Variants in PNLDC1 observed in about 807,000 individuals in gnomAD.
The protein encoded by PNLDC1 is poly(A)-specific ribonuclease PNLDC1.
A neutral mutation model predicts 82.0 loss-of-function variants in PNLDC1; 70 were observed. The observed-to-expected ratio is 0.85, with a 90% CI of 0.70 to 1.04. The LOEUF (loss-of-function observed/expected upper bound fraction) is 1.04. Ranked by LOEUF, PNLDC1 falls within the 50% of genes least tolerant of loss-of-function variation. The pLI is 0.00. For synonymous variants in PNLDC1, 280 were observed against 249.3 expected, an observed-to-expected ratio of 1.12 and a Z score of -1.16; for missense variants, 631 against 661.1, an observed-to-expected ratio of 0.95 and a Z score of 0.50.
intron 3 of PNLDC1, among the ~76,000 whole-genome samples, chr6:159,802,537 A>C (rs763686115): frequency 6.6e-6 from 1 of 151,990 alleles, no homozygotes; most frequent in East Asian, 1.9e-4. Context: ...CTCTTTGAGA[A>C]GTATAGGAAA....
At chr6:159,801,016 A>T in intron 2 of PNLDC1, 97 bp from the exon 3 acceptor site, 2 of 1,497,756 alleles carry the variant, frequency 1.3e-6, no homozygotes, top group Non-Finnish European at 1.9e-6. Context: ...ACAAGGAAAA[A>T]ATCCTCCCCG....
chr6:159,811,454 G>A (rs1351364081), intron 10 of PNLDC1, among the ~76,000 whole-genome samples: 7 of 152,102 alleles, frequency 4.6e-5, no homozygotes, highest in African/African-American at 1.2e-4. Context: ...CATTAACTAC[G>A]GTTGGCAATA....
chr6:159,811,866 T>G (rs569201891), intron 11 of PNLDC1, 80 bp downstream of exon 11: 2 of 1,132,750 alleles, frequency 1.8e-6, no homozygotes, highest in Non-Finnish European at 2.6e-6. Flanking sequence ...GGGGTTTTTT[T>G]CTTGTGTTTT....
At chr6:159,814,326 T>A (rs2115052177) in intron 12 of PNLDC1, among the ~76,000 whole-genome samples, 1 of 152,286 alleles carries the variant, frequency 6.6e-6, no homozygotes, top group South Asian at 2.1e-4. Context: ...TTGTGATTCG[T>A]GTTCTCTACC....
chr6:159,819,200 A>G lies in PNLDC1; in HGVS notation c.1434-54A>G. The G allele has an allele frequency of 1.9e-6, 3 of 1,611,364 alleles. No individual in the cohort carries two copies. The East Asian group carries it at 6.7e-5, about 36-fold the overall frequency. ...TCTCTGACTCCACCCGCCTGATCAC[A>G]GCAGGCGGCGCCATCCTGCTGCCTG... On this transcript the variant is annotated intron_variant, in intron 17 of 18. Coordinates refer to ENST00000392167, the MANE Select transcript of PNLDC1 (RefSeq NM_001271862.2). This position sits in a 1 kb window ranked among gnomAD's most constrained non-coding sequence, Gnocchi z 4.6.
rs779313150 is a variant in PNLDC1, at chr6:159,801,207, T to TA, written c.208+22dup. 24 of 1,603,876 alleles carry TA rather than the reference T, an allele frequency of 1.5e-5. No individual in the cohort carries two copies. In the South Asian group the frequency reaches 1.9e-4, roughly 13 times the overall value. On this transcript the variant is annotated intron_variant, in intron 3 of 18. Transcript: ENST00000392167. Reference sequence around the variant, plus strand: ...GATTGGTGAGTTTAATATCAGCTGTTAGAGTTTTTCAAGAAGGTATTTTTA... The same window carrying TA: ...GATTGGTGAGTTTAATATCAGCTGTTAAGAGTTTTTCAAGAAGGTATTTTTA...
rs1229638636 is a variant in PNLDC1, at chr6:159,816,422, G to GA, written c.1061-119dup. 4 of 892,014 alleles carry GA rather than the reference G, an allele frequency of 4.5e-6. No homozygotes were observed. The African/African-American group carries it at 4.9e-5, about 11-fold the overall frequency. 55.3% of individuals were successfully genotyped at this position (892,014 alleles called of 1,614,324 possible). On this transcript the variant is annotated intron_variant, in intron 13 of 18. Transcript: ENST00000392167. ...GGTGAAGTTGGTGTGTGGGCCTGGAGAAGGGTATGCAGGACCATGGGAGGT... is the reference window on the plus strand; with the variant it reads ...GGTGAAGTTGGTGTGTGGGCCTGGAGAAAGGGTATGCAGGACCATGGGAGGT...
At chr6:159,800,737 C>T (rs1366465707) in intron 1 of PNLDC1, 35 bp from the exon 2 acceptor site, 1 of 1,614,236 alleles carries the variant, frequency 6.2e-7, no homozygotes, top group East Asian at 2.2e-5. Flanking sequence ...CGATGTTCTG[C>T]ACCCGAGGAC....
rs1342103864 is a variant in PNLDC1, at chr6:159,810,747, AAATG to A, written c.853+656_853+659del. Reference sequence around the variant, plus strand: ...GTGCCAATATCAGAGTTGTGAGATTAAATGAATTAATAAACGTACAAAGAACACT... The same window carrying A: ...GTGCCAATATCAGAGTTGTGAGATTAAATTAATAAACGTACAAAGAACACT... On this transcript the variant is annotated intron_variant, in intron 10 of 18. Coordinates refer to ENST00000392167, the MANE Select transcript of PNLDC1 (RefSeq NM_001271862.2). Among the ~76,000 whole-genome samples, 18 of 152,362 alleles carry A rather than the reference AAATG, an allele frequency of 1.2e-4. 1 individual carries two copies. In the Middle Eastern group the frequency reaches 0.017, roughly 144 times the overall value.
At position 159,813,585 on chromosome 6, in the gene PNLDC1, T is replaced by C. The variant is rs368827642; in HGVS notation, c.940-16T>C. ...AGCGCAAATGTTTTCCTCTGGTTTG[T>C]TTTCCATGATTGTAGGAGATGAATT... On this transcript the variant is annotated splice_polypyrimidine_tract_variant and intron_variant, in intron 11 of 18. Transcript: ENST00000392167. 55 of 1,605,546 alleles carry C rather than the reference T, an allele frequency of 3.4e-5. No homozygotes were observed. The African/African-American group carries it at 6.0e-4, about 18-fold the overall frequency.
chr6:159,804,263 G>T (rs534618858), intron 5 of PNLDC1, among the ~76,000 whole-genome samples, 175 bp downstream of exon 5: 3 of 152,284 alleles, frequency 2.0e-5, no homozygotes, highest in African/African-American at 7.2e-5. Flanking sequence ...ACCATGCCCA[G>T]CTAATTCTTT....
chr6:159,818,605 C>T lies in PNLDC1; in HGVS notation c.1208C>T (p.Ala403Val). Residue 403 changes from alanine (A) to valine (V), a missense_variant, in exon 16 of 19, where the codon GCT (alanine) becomes GTT (valine). By Grantham distance (64) the Ala-to-Val change is moderately conservative. Coordinates refer to ENST00000392167, the MANE Select transcript of PNLDC1 (RefSeq NM_001271862.2). ...TTTCCTCAGTACCTTGACGTGCTGG[C>T]TCCTTACGTGAACCAAGTGAACCTC... ...SSFPQYLDVL[A>V]PYVNQVNLIR... The T allele has an allele frequency of 6.2e-7, 1 of 1,613,910 alleles. No individual in the cohort carries two copies. The highest frequency in any genetic ancestry group is 8.5e-7 in the Non-Finnish European group (1 of 1,180,042).
rs778577185 is a variant in PNLDC1 at position 159,801,209 on chromosome 6, G to A, written c.208+23G>A. On this transcript the variant is annotated intron_variant, in intron 3 of 18. Coordinates refer to ENST00000392167, the MANE Select transcript of PNLDC1 (RefSeq NM_001271862.2). The stretch of plus-strand genomic sequence containing the variant: ...TTGGTGAGTTTAATATCAGCTGTTA[G>A]AGTTTTTCAAGAAGGTATTTTTATT... 1.4e-5 allele frequency: 22 copies of A among 1,602,168 alleles called. No homozygotes were observed. The South Asian group carries it at 2.0e-4, about 14-fold the overall frequency.
Position 159,803,323 on chromosome 6 carries a change from A to G in PNLDC1, c.248+13A>G, listed in dbSNP as rs756802420. 1.4e-5 allele frequency: 23 copies of G among 1,611,390 alleles called. No individual in the cohort carries two copies. Among genetic ancestry groups the G allele is most frequent in the African/African-American group, 4.0e-5 (3 of 74,838 alleles). On this transcript the variant is annotated intron_variant, in intron 4 of 18. Coordinates refer to ENST00000392167, the MANE Select transcript of PNLDC1 (RefSeq NM_001271862.2). ...GAGAGGCAAACAAGTATGTATCAAG[A>G]GCTTCTGCAAACATAGGTGCTTCCC...
chr6:159,808,066 A>G (rs1781511804), intron 7 of PNLDC1, among the ~76,000 whole-genome samples: 1 of 152,136 alleles, frequency 6.6e-6, no homozygotes, highest in African/African-American at 2.4e-5. Context: ...GGCATCTGCC[A>G]CCATGCCTGG....
intron 3 of PNLDC1, among the ~76,000 whole-genome samples, chr6:159,802,039 C>T (rs2115023845): frequency 6.6e-6 from 1 of 152,226 alleles, no homozygotes; most frequent in African/African-American, 2.4e-5. Context: ...AGGCAATTGC[C>T]ACCAGGCCTG....
At chr6:159,816,865 A>G (rs534169818) in intron 14 of PNLDC1, among the ~76,000 whole-genome samples, 1 of 152,188 alleles carries the variant, frequency 6.6e-6, no homozygotes, top group South Asian at 2.1e-4. Context: ...GGGTTTCACC[A>G]TGCTGCCCAG....
intron 18 of PNLDC1, 46 bp from the exon 19 acceptor site, chr6:159,820,408 G>C (rs7775650): frequency 0.16 from 262,428 of 1,602,460 alleles, 23,268 homozygotes; most frequent in Non-Finnish European, 0.18. Flanking sequence ...GGTGCCTCTC[G>C]GCCTGCTGGG....
chr6:159,818,467 C>A, intron 15 of PNLDC1, 88 bp from the exon 16 acceptor site: 1 of 1,206,930 alleles, frequency 8.3e-7, no homozygotes, highest in Non-Finnish European at 1.2e-6. Context: ...GAGTGTCCTT[C>A]TGTTCTGTCA....
Sources: gnomAD v4.1 joint callset for allele counts (sites outside exome capture counted in the v4.1 genomes callset) on GRCh38, gnomAD v4.1.1 for gene constraint, Gnocchi (gnomAD v3.1) non-coding constraint, MANE v1.5 for transcripts, NCBI Gene and HGNC (gene_info 2026-07-23, HGNC 2026-07-21) for gene names.